C12orf56: variants seen among roughly 807,000 people sequenced by gnomAD.
The protein encoded by C12orf56 is uncharacterized protein C12orf56.
Under a neutral mutation model 69.9 loss-of-function variants are expected in C12orf56, and 71 were observed. The ratio of observed to expected loss-of-function variants is 1.02; its 90% CI spans 0.84 to 1.24. C12orf56 has a LOEUF of 1.24. Among genes scored for constraint, C12orf56 ranks in the 50% most tolerant of loss-of-function variants. The pLI, the probability that C12orf56 is intolerant of heterozygous loss-of-function variation, is 0.00. For synonymous variants in C12orf56, 276 were observed against 274.1 expected, an observed-to-expected ratio of 1.01 and a Z score of -0.07; for missense variants, 732 against 738.5, an observed-to-expected ratio of 0.99 and a Z score of 0.10.
At chr12:64,347,550 T>C (rs2039163117) in intron 2 of C12orf56, among the ~76,000 whole-genome samples, 1 of 152,180 alleles carries the variant, frequency 6.6e-6, no homozygotes, top group Admixed American at 6.5e-5. Context: ...GTGCTGGGAT[T>C]ACAGGCTTGA....
Position 64,270,730 on chromosome 12 carries a change from AC to A in C12orf56, c.1585-17del. The A allele has an allele frequency of 6.3e-7, 1 of 1,590,764 alleles. No individual in the cohort carries two copies. Among genetic ancestry groups the A allele is most frequent in the Non-Finnish European group, 8.5e-7 (1 of 1,170,114 alleles). Reference sequence around the variant, plus strand: ...CAAAAGTAATCTAGACAAGGAAAATACAGTTACATGTAGGCTGTGTGCCACC... The same window carrying A: ...CAAAAGTAATCTAGACAAGGAAAATAAGTTACATGTAGGCTGTGTGCCACC... On this transcript the variant is annotated splice_polypyrimidine_tract_variant and intron_variant, in intron 11 of 12. Coordinates refer to ENST00000543942, the MANE Select transcript of C12orf56 (RefSeq NM_001170633.2).
chr12:64,283,658 T>C (rs1197182260), intron 8 of C12orf56, among the ~76,000 whole-genome samples: 1 of 152,036 alleles, frequency 6.6e-6, no homozygotes, highest in Non-Finnish European at 1.5e-5. Context: ...TTTTTTTTTT[T>C]TTCTTTTTTA....
chr12:64,271,751 G>C (rs116788168), intron 11 of C12orf56, among the ~76,000 whole-genome samples: 2,103 of 152,292 alleles, frequency 0.014, 57 homozygotes, highest in African/African-American at 0.048. Flanking sequence ...TGAGCTGAGA[G>C]AGTCTGAGGC....
chr12:64,340,688 G>A (rs1290984740), intron 2 of C12orf56, among the ~76,000 whole-genome samples: 1 of 152,204 alleles, frequency 6.6e-6, no homozygotes, highest in Non-Finnish European at 1.5e-5. Flanking sequence ...GCACAAACAT[G>A]TTTTTAACGA....
chr12:64,274,784 T>A (rs1403167971), intron 11 of C12orf56, 117 bp downstream of exon 11: 4 of 774,176 alleles, frequency 5.2e-6, no homozygotes, highest in Non-Finnish European at 8.1e-6. Flanking sequence ...TACACTTTGC[T>A]TCTGGTTGAT....
At chr12:64,369,982 CAAA>C (rs761872853) in intron 1 of C12orf56, among the ~76,000 whole-genome samples, 2 of 74,780 alleles carry the variant, frequency 2.7e-5, no homozygotes, top group Non-Finnish European at 2.9e-5. Flanking sequence ...GACTCTGTCT[CAAA>C]AAAAAAAAAA....
chr12:64,354,488 G>T (rs2039279084), intron 1 of C12orf56, among the ~76,000 whole-genome samples: 1 of 151,804 alleles, frequency 6.6e-6, no homozygotes, highest in African/African-American at 2.4e-5. Context: ...ATGGAGTCTT[G>T]CTCTTGTTGC....
chr12:64,299,607 AG>A (rs2038417555), intron 6 of C12orf56, among the ~76,000 whole-genome samples: 1 of 152,170 alleles, frequency 6.6e-6, no homozygotes, highest in South Asian at 2.1e-4. Flanking sequence ...TTTTGGCCTG[AG>A]GGAGAATACA....
intron 4 of C12orf56, among the ~76,000 whole-genome samples, chr12:64,313,540 T>C (rs994124777): frequency 1.3e-5 from 2 of 151,612 alleles, no homozygotes; most frequent in African/African-American, 4.8e-5. Context: ...GAGCAAGACC[T>C]TGTGTCTAAA....
intron 2 of C12orf56, among the ~76,000 whole-genome samples, chr12:64,341,636 C>G (rs1409375496): frequency 1.3e-5 from 2 of 152,150 alleles, no homozygotes; most frequent in Admixed American, 6.5e-5. Context: ...CGTGAGTCCA[C>G]AGATGGTAGT....
At chr12:64,285,833 G>A (rs2038193188) in intron 7 of C12orf56, 121 bp downstream of exon 7, 1 of 467,764 alleles carries the variant, frequency 2.1e-6, no homozygotes, top group Non-Finnish European at 3.7e-6. Flanking sequence ...AAATCCACAG[G>A]AAGAAAAACT....
intron 2 of C12orf56, among the ~76,000 whole-genome samples, chr12:64,335,791 A>G (rs374116328): frequency 9.7e-4 from 147 of 152,294 alleles, no homozygotes; most frequent in African/African-American, 3.2e-3. Context: ...TTTACTAGAA[A>G]TGATTTCCAA....
At chr12:64,312,123 G>C (rs2038625890) in intron 5 of C12orf56, among the ~76,000 whole-genome samples, 1 of 152,178 alleles carries the variant, frequency 6.6e-6, no homozygotes, top group Non-Finnish European at 1.5e-5. Context: ...CCTGTGTTAG[G>C]AAGCACAAGA....
At chr12:64,338,250 C>T in intron 2 of C12orf56, 1 of 542,138 alleles carries the variant, frequency 1.8e-6, no homozygotes, top group Non-Finnish European at 3.6e-6. Flanking sequence ...ACTATGAGAT[C>T]CAGCTGGCTT....
In C12orf56 at chr12:64,318,944, T is replaced by G. The variant is rs1292713931; in HGVS notation, c.525A>C (p.Ser175=). 1.3e-6 allele frequency: 2 copies of G among 1,532,752 alleles called. No homozygotes were observed. The highest frequency in any genetic ancestry group is 1.7e-6 in the Non-Finnish European group (2 of 1,144,824). The allele number at this position is 1,532,752 out of a possible 1,614,324, so 94.9% of individuals were successfully genotyped here. A position where few individuals can be genotyped will look rare whatever the true frequency, so the allele number is the denominator to read the frequency against. Residue 175 remains serine, a synonymous_variant, in exon 4 of 13, where the codon TCA becomes TCC. Coordinates refer to ENST00000543942, the MANE Select transcript of C12orf56 (RefSeq NM_001170633.2). ...TGAGGCCTGGACGAGGACAGAGAGT[T>G]GAGTCCTTGGATGGTGTACTGCTCT... is the stretch of plus-strand genomic sequence containing the variant. ...QQESSTPSKD[S]TLCPRPGLKK... is the part of the protein sequence containing the mutation.
chr12:64,272,196 T>TA (rs924403659), intron 11 of C12orf56, among the ~76,000 whole-genome samples: 21 of 151,980 alleles, frequency 1.4e-4, no homozygotes, highest in African/African-American at 5.1e-4. Flanking sequence ...ATCTCATTTT[T>TA]AAAAATTTTT....
At position 64,264,883 on chromosome 12, in the gene C12orf56, T is replaced by A. The variant is rs2037904405; in HGVS notation, c.*2300A>T. Reference sequence around the variant, plus strand: ...GTGACAAATATTCAACCATTAACTCTCCAAAAAACCACTGACTTTAGCCCC... The same window carrying A: ...GTGACAAATATTCAACCATTAACTCACCAAAAAACCACTGACTTTAGCCCC... On this transcript the variant is annotated 3_prime_UTR_variant, in exon 13 of 13. Transcript: ENST00000543942. The A allele has an allele frequency of 1.3e-5, 2 of 152,172 alleles. No homozygotes were observed. The highest frequency in any genetic ancestry group is 4.8e-5 in the African/African-American group (2 of 41,434). 9.4% of individuals were successfully genotyped at this position (152,172 alleles called of 1,614,324 possible).
rs757969595 is a variant in C12orf56 at position 64,266,633 on chromosome 12, T to G, written c.*550A>C. On this transcript the variant is annotated 3_prime_UTR_variant, in exon 13 of 13. Transcript: ENST00000543942. ...TTTTTGGATGGCTCTGAGTACAGAATCGGGTGAAGAGCATGCTCCTGTGCC... is the reference window on the plus strand; with the variant it reads ...TTTTTGGATGGCTCTGAGTACAGAAGCGGGTGAAGAGCATGCTCCTGTGCC... 39 of 849,594 alleles carry G rather than the reference T, an allele frequency of 4.6e-5. No homozygotes were observed. Among genetic ancestry groups the G allele is most frequent in the Non-Finnish European group, 5.9e-5 (37 of 622,234 alleles). 52.6% of individuals were successfully genotyped at this position (849,594 alleles called of 1,614,324 possible).
At chr12:64,302,239 C>T (rs2038455019) in intron 6 of C12orf56, among the ~76,000 whole-genome samples, 1 of 152,140 alleles carries the variant, frequency 6.6e-6, no homozygotes, top group African/African-American at 2.4e-5. Flanking sequence ...CCATTTTAGA[C>T]TACGCAGCAC....
Sources: gnomAD v4.1 joint callset for allele counts (sites outside exome capture counted in the v4.1 genomes callset) on GRCh38, gnomAD v4.1.1 for gene constraint, MANE v1.5 for transcripts, NCBI Gene and HGNC (gene_info 2026-07-23, HGNC 2026-07-21) for gene names.